Variants in MPDZ observed in about 807,000 individuals in gnomAD.
MPDZ encodes multiple PDZ domain protein.
Under a neutral mutation model 239.1 loss-of-function variants are expected in MPDZ, and 234 were observed. The observed-to-expected ratio is 0.98, with a 90% confidence interval of 0.88 to 1.09. The LOEUF (loss-of-function observed/expected upper bound fraction) is 1.09, where lower values mean the gene tolerates loss of function less well. Ranked by LOEUF, MPDZ falls within the 50% of genes least tolerant of loss-of-function variation. MPDZ has a pLI of 0.00. For missense variants in MPDZ, 3,175 were observed against 2,510.0 expected (o/e 1.26, Z -5.66); for synonymous variants, 1,048 against 881.3 (o/e 1.19, Z -3.35).
intron 23 of MPDZ, among the ~76,000 whole-genome samples, chr9:13,159,201 A>G (rs959796791): frequency 6.6e-6 from 1 of 152,162 alleles, no homozygotes; most frequent in South Asian, 2.1e-4. Context: ...CTGGCAAGCA[A>G]ATGTCCAGGC....
At chr9:13,107,179 GA>G (rs1266266831) in intron 46 of MPDZ, 68 bp from the exon 47 acceptor site, 2 of 1,471,458 alleles carry the variant, frequency 1.4e-6, no homozygotes, top group Non-Finnish European at 1.8e-6. Context: ...AACAGAAAAA[GA>G]TCTCAACAGG....
Position 13,140,097 on chromosome 9 carries a change from G to A in MPDZ, c.3893C>T (p.Pro1298Leu), listed in dbSNP as rs76115127. The change falls in exon 28 of 47, where the codon CCC becomes CTC. Residue 1298 changes from proline to leucine, a missense_variant. Transcript: ENST00000319217. Reference sequence around the variant, plus strand: ...GGCAAAGGCTGAAGGAGGGGGTGGGGGCACACTGCACAATGGAGCCTTCTC... The same window carrying A: ...GGCAAAGGCTGAAGGAGGGGGTGGGAGCACACTGCACAATGGAGCCTTCTC... ...EPEKAPLCSVPPPPPSAFAEM... is the reference protein window; with the variant it reads ...EPEKAPLCSVLPPPPSAFAEM... The A allele has an allele frequency of 2.9e-3, 4,606 of 1,613,254 alleles. 143 individuals carry two copies. In the African/African-American group the frequency reaches 0.055, roughly 19 times the overall value.
Position 13,224,579 on chromosome 9 carries a change from T to C in MPDZ, c.188A>G (p.Asn63Ser), listed in dbSNP as rs767569990. ...TSVQQLKDQV[N>S]IATSATSNIE... ...ATTTGAAGTTGCTGAAGTTGCAATATTTACCTAAGAGTAATGCAGGGATTA... is the reference window on the plus strand; with the variant it reads ...ATTTGAAGTTGCTGAAGTTGCAATACTTACCTAAGAGTAATGCAGGGATTA... Residue 63 changes from asparagine to serine, a missense_variant, in exon 4 of 47, where the codon AAT (asparagine) becomes AGT (serine). By Grantham distance (46) the Asn-to-Ser change is conservative. Transcript: ENST00000319217. 9 of 1,604,144 alleles carry C rather than the reference T, an allele frequency of 5.6e-6. No individual in the cohort carries two copies. Among genetic ancestry groups the C allele is most frequent in the South Asian group, 1.1e-5 (1 of 90,188 alleles).
At chr9:13,231,845 G>C (rs1288428625) in intron 3 of MPDZ, among the ~76,000 whole-genome samples, 1 of 152,012 alleles carries the variant, frequency 6.6e-6, no homozygotes, top group East Asian at 1.9e-4. Context: ...TACTAAATGA[G>C]AATGTTAACA....
intron 7 of MPDZ, 102 bp from the exon 8 acceptor site, chr9:13,219,870 TTACC>T: frequency 5.4e-6 from 6 of 1,110,924 alleles, no homozygotes; most frequent in Non-Finnish European, 7.8e-6. Flanking sequence ...ATAATATGAG[TTACC>T]AATCAGGACA....
chr9:13,147,107 T>C (rs959570959), intron 26 of MPDZ, among the ~76,000 whole-genome samples: 1 of 152,008 alleles, frequency 6.6e-6, no homozygotes, highest in Non-Finnish European at 1.5e-5. Context: ...GAACGATCAT[T>C]CACAGATGAT....
intron 34 of MPDZ, 120 bp from the exon 35 acceptor site, chr9:13,125,510 C>G (rs1445067383): frequency 1.2e-6 from 1 of 850,522 alleles, no homozygotes; most frequent in East Asian, 2.8e-5. Context: ...GGGACAGATG[C>G]AAATTATTTC....
At position 13,133,913 on chromosome 9, in the gene MPDZ, G is replaced by C. The variant is rs780221710; in HGVS notation, c.4384-9C>G. On this transcript the variant is annotated splice_polypyrimidine_tract_variant and intron_variant, in intron 31 of 46. Coordinates refer to ENST00000319217, the MANE Select transcript of MPDZ (RefSeq NM_001378778.1). ...GTAACAGTTGGCTCTGTCTGACAGA[G>C]GGAAAGAAATGACAAAAAGAGCAAC... 2 of 1,484,564 alleles carry C rather than the reference G, an allele frequency of 1.3e-6. No individual in the cohort carries two copies. Among genetic ancestry groups the C allele is most frequent in the South Asian group, 1.5e-5 (1 of 64,564 alleles). 92.0% of individuals were successfully genotyped at this position (1,484,564 alleles called of 1,614,324 possible).
intron 1 of MPDZ, among the ~76,000 whole-genome samples, chr9:13,252,520 C>T (rs773533939): frequency 4.1e-5 from 6 of 147,682 alleles, no homozygotes; most frequent in African/African-American, 7.5e-5. Context: ...GAGCCAAGAT[C>T]GCGCCACAGC....
chr9:13,121,036 A>G (rs993420383), intron 38 of MPDZ, among the ~76,000 whole-genome samples: 1 of 152,230 alleles, frequency 6.6e-6, no homozygotes, highest in Non-Finnish European at 1.5e-5. Context: ...TCACTTATAA[A>G]TGAGTTTGTT....
chr9:13,181,156 G>A (rs1463313194), intron 19 of MPDZ, among the ~76,000 whole-genome samples: 1 of 152,108 alleles, frequency 6.6e-6, no homozygotes, highest in Non-Finnish European at 1.5e-5. Context: ...AAAAATCTAA[G>A]GAATTGCTGA....
chr9:13,229,517 A>T (rs543046806), intron 3 of MPDZ, among the ~76,000 whole-genome samples: 8 of 142,692 alleles, frequency 5.6e-5, no homozygotes, highest in South Asian at 2.2e-4. Flanking sequence ...AAGATGATTT[A>T]AAAAAAAAAA....
Position 13,126,740 on chromosome 9 carries a change from T to A in MPDZ, c.4497A>T (p.Glu1499Asp), listed in dbSNP as rs199737503. 1 of 1,613,972 alleles carries A rather than the reference T, an allele frequency of 6.2e-7. No homozygotes were observed. The highest frequency in any genetic ancestry group is 1.7e-5 in the Admixed American group (1 of 60,018). The change falls in exon 33 of 47, where the codon GAA becomes GAT. Residue 1499 changes from glutamate (E) to aspartate (D), a missense_variant. Coordinates refer to ENST00000319217, the MANE Select transcript of MPDZ (RefSeq NM_001378778.1). ...TGATGACTCCACTGAGTGTATCTTCTTCGCTGATAGCAATACCCAAACCCC... is the reference window on the plus strand; with the variant it reads ...TGATGACTCCACTGAGTGTATCTTCATCGCTGATAGCAATACCCAAACCCC... ...DQGGLGIAIS[E>D]EDTLSGVIIK...
intron 12 of MPDZ, among the ~76,000 whole-genome samples, chr9:13,202,154 GT>G: frequency 6.6e-6 from 1 of 152,168 alleles, no homozygotes; most frequent in South Asian, 2.1e-4. Flanking sequence ...CTGGGCTGTT[GT>G]TTTTTTCCCA....
At chr9:13,114,765 T>G (rs1447240911) in intron 40 of MPDZ, among the ~76,000 whole-genome samples, 1 of 151,900 alleles carries the variant, frequency 6.6e-6, no homozygotes, top group Non-Finnish European at 1.5e-5. Context: ...CCAGGCATGG[T>G]GGTGCACGCC....
intron 1 of MPDZ, among the ~76,000 whole-genome samples, chr9:13,272,729 A>G (rs1973285224): frequency 6.6e-6 from 1 of 151,542 alleles, no homozygotes; most frequent in South Asian, 2.1e-4. Context: ...AAAGAAGAAC[A>G]AAAGAAAATG....
chr9:13,225,412 G>A (rs947774723), intron 3 of MPDZ, among the ~76,000 whole-genome samples: 1 of 151,266 alleles, frequency 6.6e-6, no homozygotes, highest in African/African-American at 2.4e-5. Context: ...CCATTATATT[G>A]GCTATCTAGT....
intron 4 of MPDZ, 45 bp from the exon 5 acceptor site, chr9:13,223,755 T>G (rs1959577151): frequency 6.5e-7 from 1 of 1,531,048 alleles, no homozygotes; most frequent in Non-Finnish European, 8.8e-7. Context: ...AGCCAGGCCA[T>G]GCATGGTGGT....
At position 13,224,449 on chromosome 9, in the gene MPDZ, T is replaced by TTACAG; in HGVS notation, c.317_318insCTGTA (p.Gly107CysfsTer31). 1 of 1,613,008 alleles carries TTACAG rather than the reference T, an allele frequency of 6.2e-7. No homozygotes were observed. Among genetic ancestry groups the TTACAG allele is most frequent in the Non-Finnish European group, 8.5e-7 (1 of 1,179,310 alleles). On this transcript the variant is annotated frameshift_variant, in exon 4 of 47. Transcript: ENST00000319217. LOFTEE classifies it high-confidence loss of function. ...CATTAATGTGTGGAATACCAGGTCC[T>TTACAG]GTAAGTGCTTCCAGATTCCCATTGT...
Sources: gnomAD v4.1 joint callset for allele counts (sites outside exome capture counted in the v4.1 genomes callset) on GRCh38, gnomAD v4.1.1 for gene constraint, MANE v1.5 for transcripts, NCBI Gene and HGNC (gene_info 2026-07-23, HGNC 2026-07-21) for gene names.